Variants in PRICKLE2 observed in about 807,000 individuals in gnomAD.
The protein encoded by PRICKLE2 is prickle planar cell polarity protein 2.
In PRICKLE2, 21 loss-of-function variants were observed where a neutral mutation model predicts 81.4. That is an observed-to-expected ratio of 0.26 (90% CI 0.18 to 0.37). The LOEUF (loss-of-function observed/expected upper bound fraction) is 0.37. PRICKLE2 is among the 10% of genes least tolerant of loss of function. PRICKLE2 has a pLI of 1.00. For synonymous variants in PRICKLE2, 456 were observed against 421.5 expected, an observed-to-expected ratio of 1.08 and a Z score of -1.00; for missense variants, 940 against 1,109.0, an observed-to-expected ratio of 0.85 and a Z score of 2.16.
chr3:64,116,394 A>G (rs1490753682), intron 7 of PRICKLE2, among the ~76,000 whole-genome samples: 1 of 152,168 alleles, frequency 6.6e-6, no homozygotes, highest in Admixed American at 6.5e-5. Context: ...CATTCAAAAG[A>G]TCAATGAATC....
At chr3:64,171,596 G>A (rs1478205086) in intron 2 of PRICKLE2, among the ~76,000 whole-genome samples, 1 of 152,216 alleles carries the variant, frequency 6.6e-6, no homozygotes, top group Non-Finnish European at 1.5e-5. Flanking sequence ...AGAGGGTCTG[G>A]CATGTACAAG....
chr3:64,163,384 T>C, intron 2 of PRICKLE2: 1 of 531,854 alleles, frequency 1.9e-6, no homozygotes, highest in African/African-American at 1.9e-5. Context: ...TAAATTTTCC[T>C]AGAAACAGAG....
At chr3:64,247,278 T>C (rs1015335151) in intron 2 of PRICKLE2, among the ~76,000 whole-genome samples, 1 of 152,206 alleles carries the variant, frequency 6.6e-6, no homozygotes, top group Non-Finnish European at 1.5e-5. Flanking sequence ...TAATAGCAAC[T>C]ATTACTATGC....
intron 5 of PRICKLE2, chr3:64,153,978 AGAG>A (rs2077586835): frequency 6.5e-6 from 1 of 154,192 alleles, no homozygotes; most frequent in African/African-American, 2.4e-5. Context: ...CCCCCAATAT[AGAG>A]TTTTTAAAAT....
chr3:64,168,192 T>A (rs1225357853), intron 2 of PRICKLE2, among the ~76,000 whole-genome samples: 1 of 152,156 alleles, frequency 6.6e-6, no homozygotes, highest in Non-Finnish European at 1.5e-5. Context: ...CTTATTTTCT[T>A]AGAGCAGGAA....
chr3:64,163,964 G>A (rs1304065379), intron 2 of PRICKLE2: 3 of 149,212 alleles, frequency 2.0e-5, no homozygotes, highest in African/African-American at 7.4e-5. Context: ...CACAAGCCCA[G>A]ATGACATCAT....
intron 1 of PRICKLE2, among the ~76,000 whole-genome samples, chr3:64,209,857 C>A (rs2078757330): frequency 6.6e-6 from 1 of 152,182 alleles, no homozygotes. Flanking sequence ...AAGAGAGGAA[C>A]TGAGGATGGG....
In PRICKLE2 at chr3:64,216,287, C is replaced by A. The variant is rs563737292; in HGVS notation, c.-41+8623G>T. Reference sequence around the variant, plus strand: ...TCTGATGAAAGCTGGGATCCTCTCCCTTAAAAAATGGACATATGCACATTC... The same window carrying A: ...TCTGATGAAAGCTGGGATCCTCTCCATTAAAAAATGGACATATGCACATTC... On this transcript the variant is annotated intron_variant, in intron 1 of 7. Coordinates refer to ENST00000638394, the MANE Select transcript of PRICKLE2 (RefSeq NM_198859.4). Among the ~76,000 whole-genome samples the A allele has an allele frequency of 5.9e-5, 9 of 152,298 alleles. No homozygotes were observed. In the South Asian group the frequency reaches 8.3e-4, roughly 14 times the overall value.
chr3:64,222,797 T>G (rs577380514), intron 1 of PRICKLE2, among the ~76,000 whole-genome samples: 2 of 152,322 alleles, frequency 1.3e-5, no homozygotes, highest in South Asian at 2.1e-4. Context: ...AGAAAAGGAC[T>G]GTCTCTCACA....
At chr3:64,170,115 G>T (rs1049300309) in intron 2 of PRICKLE2, among the ~76,000 whole-genome samples, 9 of 152,212 alleles carry the variant, frequency 5.9e-5, no homozygotes, top group Middle Eastern at 3.4e-3. Flanking sequence ...ACCAAGTTTG[G>T]CTCCTTCCCT....
intron 1 of PRICKLE2, among the ~76,000 whole-genome samples, chr3:64,216,321 T>C (rs1341607385): frequency 6.6e-6 from 1 of 152,082 alleles, no homozygotes; most frequent in Non-Finnish European, 1.5e-5. Flanking sequence ...TCACAGAAAA[T>C]TTTGCATTAA....
intron 7 of PRICKLE2, among the ~76,000 whole-genome samples, chr3:64,126,546 T>C (rs561708737): frequency 6.6e-6 from 1 of 152,288 alleles, no homozygotes; most frequent in South Asian, 2.1e-4. Context: ...TCGGGCTGCC[T>C]CTCATTAGCC....
intron 2 of PRICKLE2, among the ~76,000 whole-genome samples, chr3:64,167,856 T>C (rs1191777790): frequency 6.6e-6 from 1 of 152,168 alleles, no homozygotes; most frequent in Non-Finnish European, 1.5e-5. Context: ...GATGGGGACA[T>C]TTGCATTTCT....
At chr3:64,204,645 AC>A (rs1559577732) in intron 1 of PRICKLE2, among the ~76,000 whole-genome samples, 6 of 152,114 alleles carry the variant, frequency 3.9e-5, no homozygotes, top group African/African-American at 1.4e-4. Context: ...GAAAAAAAAA[AC>A]CAAAACCCTA....
intron 2 of PRICKLE2, among the ~76,000 whole-genome samples, chr3:64,248,989 T>A (rs1243740907): frequency 6.6e-6 from 1 of 152,226 alleles, no homozygotes; most frequent in African/African-American, 2.4e-5. Context: ...TAGTATTTAC[T>A]ACTTTTAAAA....
chr3:64,175,469 T>C (rs1029936679), intron 2 of PRICKLE2, among the ~76,000 whole-genome samples: 2 of 152,170 alleles, frequency 1.3e-5, no homozygotes, highest in Admixed American at 1.3e-4. Context: ...ATTTGAATAT[T>C]TGTCTACACC....
chr3:64,178,983 CTTTCTTT>C (rs2078072408), intron 2 of PRICKLE2, among the ~76,000 whole-genome samples: 1 of 131,372 alleles, frequency 7.6e-6, no homozygotes, highest in Non-Finnish European at 1.6e-5. Context: ...TTCTTTCTTT[CTTTCTTT>C]CTTTCTTTCT....
At chr3:64,134,352 C>T (rs529173963) in intron 7 of PRICKLE2, among the ~76,000 whole-genome samples, 2 of 152,284 alleles carry the variant, frequency 1.3e-5, no homozygotes, top group African/African-American at 2.4e-5. Context: ...GGTCCCTTCC[C>T]GTGACATCAT....
intron 2 of PRICKLE2, chr3:64,174,813 T>C (rs1479999659): frequency 2.3e-5 from 5 of 216,274 alleles, no homozygotes; most frequent in Non-Finnish European, 5.0e-5. Context: ...CTTGGATAAA[T>C]ATACCAAGAA....
Sources: gnomAD v4.1 joint callset for allele counts (sites outside exome capture counted in the v4.1 genomes callset) on GRCh38, gnomAD v4.1.1 for gene constraint, MANE v1.5 for transcripts, NCBI Gene and HGNC (gene_info 2026-07-23, HGNC 2026-07-21) for gene names.